The following OR7C1 variants were observed in gnomAD, a reference collection of about 807,000 sequenced individuals.
OR7C1 encodes olfactory receptor family 7 subfamily C member 1, also known as olfactory receptor 7C1.
For missense variants in OR7C1, 324 were observed against 383.3 expected, an observed-to-expected ratio of 0.85 and a Z score of 1.29; for synonymous variants, 152 against 160.7, an observed-to-expected ratio of 0.95 and a Z score of 0.41.
chr19:14,825,390 G>A (rs2044760651), intron 1 of OR7C1: 1 of 152,174 alleles, frequency 6.6e-6, no homozygotes, highest in Admixed American at 6.5e-5. Flanking sequence ...GACGACTATA[G>A]TTAAAAATAT....
chr19:14,823,996 A>T (rs954755800), intron 1 of OR7C1, among the ~76,000 whole-genome samples: 3 of 152,030 alleles, frequency 2.0e-5, no homozygotes, highest in African/African-American at 4.8e-5. Context: ...CCATTGGTCA[A>T]TGTGCCCCAA....
intron 1 of OR7C1, among the ~76,000 whole-genome samples, chr19:14,822,844 C>G (rs1461767128): frequency 6.6e-6 from 1 of 151,464 alleles, no homozygotes. Context: ...TGTCCTCTGC[C>G]TATTTTTTTT....
intron 1 of OR7C1, chr19:14,827,929 T>C (rs766919874): frequency 1.4e-5 from 23 of 1,614,046 alleles, no homozygotes; most frequent in Non-Finnish European, 1.0e-5. Flanking sequence ...GCAAAGAGTA[T>C]GAAAAAATAC....
chr19:14,827,172 A>G, intron 1 of OR7C1: 1 of 1,169,180 alleles, frequency 8.6e-7, no homozygotes, highest in African/African-American at 1.6e-5. Flanking sequence ...AAATCACAAC[A>G]AATTGAAACT....
chr19:14,808,223 G>T (rs1568248684), intron 2 of OR7C1, among the ~76,000 whole-genome samples: 2 of 151,812 alleles, frequency 1.3e-5, no homozygotes, highest in Admixed American at 6.6e-5. Flanking sequence ...ATTTCCCAAA[G>T]AACTAAAAGT....
chr19:14,802,902 A>G (rs1374992641), intron 2 of OR7C1, among the ~76,000 whole-genome samples: 1 of 152,192 alleles, frequency 6.6e-6, no homozygotes, highest in African/African-American at 2.4e-5. Context: ...TTTAATAGGC[A>G]AAAGAAAGAG....
At chr19:14,806,672 A>T (rs2044667802) in intron 2 of OR7C1, among the ~76,000 whole-genome samples, 1 of 151,932 alleles carries the variant, frequency 6.6e-6, no homozygotes, top group African/African-American at 2.4e-5. Flanking sequence ...GCTGAGGATG[A>T]TGGCTTCCAG....
At chr19:14,799,247 A>G (rs1372464212) in exon 5 of OR7C1, 3 of 1,614,018 alleles carry the variant, frequency 1.9e-6, no homozygotes, top group Admixed American at 3.3e-5. Context: ...GGCCCTCTTC[A>G]TGTCCGTGTT....
At chr19:14,809,085 G>T (rs912335185) in intron 2 of OR7C1, among the ~76,000 whole-genome samples, 1 of 151,938 alleles carries the variant, frequency 6.6e-6, no homozygotes, top group African/African-American at 2.4e-5. Context: ...TGTTTCGAGT[G>T]ACACTCAGCC....
intron 1 of OR7C1, among the ~76,000 whole-genome samples, chr19:14,828,844 T>C (rs1466349975): frequency 6.6e-6 from 1 of 151,786 alleles, no homozygotes; most frequent in Non-Finnish European, 1.5e-5. Context: ...GACCATGTTC[T>C]TGTCACTGTC....
chr19:14,821,249 T>C (rs1207656683), intron 1 of OR7C1, among the ~76,000 whole-genome samples: 2 of 151,592 alleles, frequency 1.3e-5, no homozygotes, highest in East Asian at 1.9e-4. Context: ...AAAGCAAAAA[T>C]AAAAACAAAA....
In OR7C1 at chr19:14,827,942, C is replaced by T. The variant is rs751019524; in HGVS notation, c.-623+7132G>A. On this transcript the variant is annotated intron_variant, in intron 1 of 4. Coordinates refer to ENST00000641666, the Ensembl canonical transcript of OR7C1. ...CAGCAAAGAGTATGAAAAAATACAT[C>T]TGCATGAGGCAGGCTATGTAGGTGA... The T allele has an allele frequency of 1.7e-5, 28 of 1,614,198 alleles. No homozygotes were observed. In the East Asian group the frequency reaches 6.2e-4, roughly 36 times the overall value.
intron 1 of OR7C1, chr19:14,827,285 T>C (rs1203097912): frequency 1.9e-6 from 3 of 1,546,198 alleles, no homozygotes; most frequent in South Asian, 1.3e-5. Flanking sequence ...CCTGCAATCA[T>C]GGGCACTTCT....
At chr19:14,823,356 G>A (rs2044750156) in intron 1 of OR7C1, among the ~76,000 whole-genome samples, 1 of 152,178 alleles carries the variant, frequency 6.6e-6, no homozygotes, top group Non-Finnish European at 1.5e-5. Context: ...GGAGGCTGAG[G>A]CAAAAGGATT....
At chr19:14,812,026 G>A (rs2044693214) in intron 1 of OR7C1, among the ~76,000 whole-genome samples, 1 of 151,454 alleles carries the variant, frequency 6.6e-6, no homozygotes, top group Non-Finnish European at 1.5e-5. Context: ...GCTTCCTGGT[G>A]TGTGTTGTTC....
intron 1 of OR7C1, chr19:14,828,387 G>T: frequency 2.3e-6 from 2 of 876,132 alleles, no homozygotes; most frequent in South Asian, 1.9e-5. Flanking sequence ...TCTCTTTAAG[G>T]GATCTCCATG....
At chr19:14,827,572 A>G (rs183426951) in intron 1 of OR7C1, 1 of 1,614,158 alleles carries the variant, frequency 6.2e-7, no homozygotes, top group African/African-American at 1.3e-5. Context: ...GCATGTATGG[A>G]AGAAATTATC....
At chr19:14,828,108 A>G in intron 1 of OR7C1, 1 of 1,614,156 alleles carries the variant, frequency 6.2e-7, no homozygotes, top group Non-Finnish European at 8.5e-7. Flanking sequence ...GGCCAGGATG[A>G]TGAGCAGGTT....
At chr19:14,831,025 C>T (rs2044827112) in intron 1 of OR7C1, among the ~76,000 whole-genome samples, 1 of 152,210 alleles carries the variant, frequency 6.6e-6, no homozygotes, top group African/African-American at 2.4e-5. Flanking sequence ...CAGTCAGCTC[C>T]TTTCTTGCTA....
Sources: allele counts gnomAD v4.1 joint callset (sites outside exome capture counted in the v4.1 genomes callset), GRCh38; gene constraint gnomAD v4.1.1; transcripts MANE v1.5; gene names NCBI Gene and HGNC (gene_info 2026-07-23, HGNC 2026-07-21).